The following SPEF2 variants were observed in gnomAD, a reference collection of about 807,000 sequenced individuals.
The protein encoded by SPEF2 is sperm flagella and cilia-associated protein 2.
Under a neutral mutation model 224.6 loss-of-function variants are expected in SPEF2, and 187 were observed. The ratio of observed to expected loss-of-function variants is 0.83; its 90% CI spans 0.74 to 0.94. SPEF2 has a LOEUF of 0.94. Ranked by LOEUF, SPEF2 falls within the 40% of genes least tolerant of loss-of-function variation. SPEF2 has a pLI of 0.00. For missense variants in SPEF2, 2,170 were observed against 2,135.6 expected, an observed-to-expected ratio of 1.02 and a Z score of -0.32; for synonymous variants, 715 against 707.3, an observed-to-expected ratio of 1.01 and a Z score of -0.17.
chr5:35,626,840 G>A (rs12514911), intron 1 of SPEF2, among the ~76,000 whole-genome samples: 4,088 of 152,226 alleles, frequency 0.027, 64 homozygotes, highest in Non-Finnish European at 0.035. Context: ...TATTATGATA[G>A]GGTGTAATCT....
In SPEF2 at chr5:35,748,759, T is replaced by C. The variant is rs368740844; in HGVS notation, c.3331-4865T>C. On this transcript the variant is annotated intron_variant, in intron 23 of 36. Transcript: ENST00000356031. Reference sequence around the variant, plus strand: ...TACCAGACATTCAAAGAAGAATTGATACCAATCCTTTTGATACTATTCCAC... The same window carrying C: ...TACCAGACATTCAAAGAAGAATTGACACCAATCCTTTTGATACTATTCCAC... 6.6e-5 allele frequency among the ~76,000 whole-genome samples: 10 copies of C among 152,220 alleles called. No individual in the cohort carries two copies. The South Asian group carries it at 1.2e-3, about 19-fold the overall frequency.
At position 35,769,377 on chromosome 5, in the gene SPEF2, T is replaced by TA. The variant is rs900682798; in HGVS notation, c.3802-2224dup. ...TCATTTTTATCAAAAGGGCATCTGA[T>TA]AAAAAAAAGAAAGAAAAGAAAAAGC... On this transcript the variant is annotated intron_variant, in intron 26 of 36. Transcript: ENST00000356031. 4.0e-5 allele frequency among the ~76,000 whole-genome samples: 6 copies of TA among 148,334 alleles called. 1 individual carries two copies. The highest frequency in any genetic ancestry group is 4.3e-4 in the South Asian group (2 of 4,670).
At chr5:35,714,891 A>G (rs1010467288) in intron 20 of SPEF2, among the ~76,000 whole-genome samples, 2 of 151,736 alleles carry the variant, frequency 1.3e-5, no homozygotes, top group East Asian at 3.9e-4. Flanking sequence ...ACGTTTGATT[A>G]TGAAACAATA....
chr5:35,804,460 A>G (rs73090210), intron 34 of SPEF2, among the ~76,000 whole-genome samples: 35,311 of 152,056 alleles, frequency 0.23, 4,704 homozygotes, highest in African/African-American at 0.36. Context: ...CAACATCACC[A>G]GCTTTCAGAG....
chr5:35,720,728 A>G (rs904355020), intron 20 of SPEF2, among the ~76,000 whole-genome samples: 6 of 152,178 alleles, frequency 3.9e-5, no homozygotes, highest in Non-Finnish European at 4.4e-5. Flanking sequence ...AGCATTATTC[A>G]TCAAGATATA....
chr5:35,644,599 A>G, intron 4 of SPEF2, 74 bp downstream of exon 4: 2 of 1,167,302 alleles, frequency 1.7e-6, no homozygotes, highest in East Asian at 2.7e-5. Context: ...TATAGTACAC[A>G]TTGCATAAGT....
intron 26 of SPEF2, among the ~76,000 whole-genome samples, chr5:35,767,859 A>C (rs937874813): frequency 6.6e-6 from 1 of 152,132 alleles, no homozygotes; most frequent in African/African-American, 2.4e-5. Flanking sequence ...ACTTGCCATC[A>C]TAGAATCTCA....
chr5:35,653,324 A>G (rs1297139642), intron 6 of SPEF2, among the ~76,000 whole-genome samples: 2 of 152,218 alleles, frequency 1.3e-5, no homozygotes, highest in South Asian at 2.1e-4. Flanking sequence ...CATGTGTGGC[A>G]TGGCAAGCAA....
chr5:35,620,025 A>C (rs1285628648), intron 1 of SPEF2, among the ~76,000 whole-genome samples: 1 of 152,028 alleles, frequency 6.6e-6, no homozygotes, highest in Non-Finnish European at 1.5e-5. Flanking sequence ...TTCACTAGCA[A>C]AACGTATTAA....
At chr5:35,729,380 C>A (rs1745233060) in intron 21 of SPEF2, among the ~76,000 whole-genome samples, 1 of 152,106 alleles carries the variant, frequency 6.6e-6, no homozygotes, top group South Asian at 2.1e-4. Context: ...GTGGCCTTCC[C>A]CAGAGGGATG....
rs962663205 is a variant in SPEF2 at position 35,719,682 on chromosome 5, C to T, written c.2914+6796C>T. Among the ~76,000 whole-genome samples, 6 of 151,914 alleles carry T rather than the reference C, an allele frequency of 3.9e-5. No homozygotes were observed. The South Asian group carries it at 1.0e-3, about 26-fold the overall frequency. Reference sequence around the variant, plus strand: ...TGTCACCTAGGTTGGGGTGCAGTAGCGTGATCTTGGCTCACTGCAAGCTCC... The same window carrying T: ...TGTCACCTAGGTTGGGGTGCAGTAGTGTGATCTTGGCTCACTGCAAGCTCC... On this transcript the variant is annotated intron_variant, in intron 20 of 36. Coordinates refer to ENST00000356031, the MANE Select transcript of SPEF2 (RefSeq NM_024867.4).
At chr5:35,791,194 C>T (rs1755899864) in intron 30 of SPEF2, 1 of 152,108 alleles carries the variant, frequency 6.6e-6, no homozygotes, top group Admixed American at 6.5e-5. Flanking sequence ...AAAATGCTCT[C>T]ATGTCTATAA....
chr5:35,759,446 T>G (rs1750915130), intron 24 of SPEF2, 122 bp from the exon 25 acceptor site: 4 of 882,932 alleles, frequency 4.5e-6, no homozygotes, highest in African/African-American at 1.7e-5. Flanking sequence ...TCCTTCTTAT[T>G]TCCAGAAAAT....
At chr5:35,651,314 T>G (rs1045026913) in intron 6 of SPEF2, among the ~76,000 whole-genome samples, 2 of 152,158 alleles carry the variant, frequency 1.3e-5, no homozygotes, top group Non-Finnish European at 2.9e-5. Flanking sequence ...GTCAGGTCCC[T>G]TCTTCACAGA....
Position 35,629,239 on chromosome 5 carries a change from C to T in SPEF2, c.161+677C>T, listed in dbSNP as rs563127464. 6.0e-3 allele frequency among the ~76,000 whole-genome samples: 844 copies of T among 140,826 alleles called. 3 individuals are homozygous for T. Among genetic ancestry groups the T allele is most frequent in the Non-Finnish European group, 9.6e-3 (621 of 64,558 alleles). The allele number at this position is 140,826 out of a possible 152,430, so 92.4% of individuals were successfully genotyped here. Reference sequence around the variant, plus strand: ...TGTGATCTCGGCTCACTGCAAGCTCCGCCTCCCGCATTCACACCATTCTCC... The same window carrying T: ...TGTGATCTCGGCTCACTGCAAGCTCTGCCTCCCGCATTCACACCATTCTCC... On this transcript the variant is annotated intron_variant, in intron 2 of 36. Transcript: ENST00000356031.
chr5:35,718,826 C>G (rs1325247476), intron 20 of SPEF2, among the ~76,000 whole-genome samples: 1 of 152,130 alleles, frequency 6.6e-6, no homozygotes, highest in East Asian at 1.9e-4. Context: ...CCCCTGAATC[C>G]CCTAGATCCA....
chr5:35,750,691 A>G (rs1433302146), intron 23 of SPEF2, among the ~76,000 whole-genome samples: 1 of 151,896 alleles, frequency 6.6e-6, no homozygotes, highest in Non-Finnish European at 1.5e-5. Context: ...AAAACCAAAA[A>G]CCAGTAGATG....
At chr5:35,618,525 A>ACCTTCTCTGAATGTGTTT (rs1396149349) in intron 1 of SPEF2, among the ~76,000 whole-genome samples, 3 of 152,180 alleles carry the variant, frequency 2.0e-5, no homozygotes, top group African/African-American at 7.2e-5. Context: ...AAGTTACAAT[A>ACCTTCTCTGAATGTGTTT]CCTTCTCTGA....
At chr5:35,710,173 C>T (rs1580388816) in intron 19 of SPEF2, 1 of 984,680 alleles carries the variant, frequency 1.0e-6, no homozygotes, top group Non-Finnish European at 1.2e-6. Context: ...ATGAATTAAA[C>T]ATACACCCTT....
Sources: allele counts gnomAD v4.1 joint callset (sites outside exome capture counted in the v4.1 genomes callset), GRCh38; gene constraint gnomAD v4.1.1; transcripts MANE v1.5; gene names NCBI Gene and HGNC (gene_info 2026-07-23, HGNC 2026-07-21).